CAMTA1: variants seen among roughly 807,000 people sequenced by gnomAD.
CAMTA1 encodes the protein calmodulin-binding transcription activator 1.
In CAMTA1, 27 loss-of-function variants were observed where a neutral mutation model predicts 170.9. That is an observed-to-expected ratio of 0.16 (90% CI 0.12 to 0.22). The LOEUF is 0.22. Among genes scored for constraint, CAMTA1 ranks in the 10% least tolerant of loss-of-function variants. CAMTA1 has a pLI of 1.00. For synonymous variants in CAMTA1, 833 were observed against 891.5 expected (o/e 0.93, Z 1.17); for missense variants, 1,619 against 2,217.2 (o/e 0.73, Z 5.42).
At chr1:7,647,004 C>A (rs1227793901) in intron 7 of CAMTA1, among the ~76,000 whole-genome samples, 1 of 152,176 alleles carries the variant, frequency 6.6e-6, no homozygotes, top group Non-Finnish European at 1.5e-5. Context: ...CAGTACCGGG[C>A]CTCGGATGGG....
At chr1:7,161,746 G>A (rs1647248135) in intron 4 of CAMTA1, among the ~76,000 whole-genome samples, 1 of 152,128 alleles carries the variant, frequency 6.6e-6, no homozygotes, top group African/African-American at 2.4e-5. Flanking sequence ...TTTATCAATA[G>A]CACAAAAACG....
At chr1:7,485,099 C>T (rs983221586) in intron 6 of CAMTA1, among the ~76,000 whole-genome samples, 2 of 152,180 alleles carry the variant, frequency 1.3e-5, no homozygotes, top group African/African-American at 2.4e-5. Context: ...CTCCAAAAGG[C>T]TTGGATTCAG....
rs796515354 is a variant in CAMTA1 at position 7,548,196 on chromosome 1, A to T, written c.510+80295A>T. On this transcript the variant is annotated intron_variant, in intron 6 of 22. Coordinates refer to ENST00000303635, the MANE Select transcript of CAMTA1 (RefSeq NM_015215.4). Reference sequence around the variant, plus strand: ...GTCATGCCCTGTATGGGTACTGAGGAAGCACAGTTCTGGGTCTGCTCTGTG... The same window carrying T: ...GTCATGCCCTGTATGGGTACTGAGGTAGCACAGTTCTGGGTCTGCTCTGTG... Among the ~76,000 whole-genome samples, 18 of 152,312 alleles carry T rather than the reference A, an allele frequency of 1.2e-4. 1 individual carries two copies. Among genetic ancestry groups the T allele is most frequent in the African/African-American group, 4.3e-4 (18 of 41,556 alleles).
chr1:7,377,165 G>A (rs547126736), intron 5 of CAMTA1, among the ~76,000 whole-genome samples: 2 of 152,318 alleles, frequency 1.3e-5, no homozygotes, highest in South Asian at 4.1e-4. Context: ...TACCCCAGGA[G>A]AGACCTGACC....
chr1:6,825,334 C>G (rs755119407), intron 3 of CAMTA1, 124 bp downstream of exon 3: 1 of 567,666 alleles, frequency 1.8e-6, no homozygotes, highest in Non-Finnish European at 3.2e-6. Context: ...TTGTAAATGA[C>G]ATTATTTAAT....
At chr1:7,507,713 G>A (rs2094141604) in intron 6 of CAMTA1, among the ~76,000 whole-genome samples, 1 of 152,252 alleles carries the variant, frequency 6.6e-6, no homozygotes, top group African/African-American at 2.4e-5. Flanking sequence ...GGCCTCTCCA[G>A]TCTGCTGGCA....
intron 5 of CAMTA1, among the ~76,000 whole-genome samples, chr1:7,386,019 T>A (rs2149096173): frequency 1.3e-5 from 2 of 152,170 alleles, no homozygotes; most frequent in Middle Eastern, 3.4e-3. Flanking sequence ...CCACCCTGGC[T>A]CCTCCAGGCT....
At chr1:7,276,305 T>TATATATATATATATATATA (rs1558345669) in intron 5 of CAMTA1, among the ~76,000 whole-genome samples, 2 of 20,140 alleles carry the variant, frequency 9.9e-5, no homozygotes, top group Non-Finnish European at 1.5e-4. Flanking sequence ...ATATATATAT[T>TATATATATATATATATATA]TTTTTTTTTT....
chr1:6,796,137 T>C (rs1284729876), intron 1 of CAMTA1, among the ~76,000 whole-genome samples: 1 of 136,936 alleles, frequency 7.3e-6, no homozygotes, highest in African/African-American at 2.8e-5. Context: ...CATTTCTTTT[T>C]TTTTTTTTTT....
In CAMTA1 at chr1:7,755,308, C is replaced by T. The variant is rs529746909; in HGVS notation, c.4959-330C>T. ...CACCATTGCTCTCCAGCCTGGGCGA[C>T]AGGGAGAGACTCCGTCTCAAAAAAA... is the stretch of plus-strand genomic sequence containing the variant. On this transcript the variant is annotated intron_variant, in intron 21 of 22. Coordinates refer to ENST00000303635, the MANE Select transcript of CAMTA1 (RefSeq NM_015215.4). Among the ~76,000 whole-genome samples, 6 of 112,508 alleles carry T rather than the reference C, an allele frequency of 5.3e-5. No homozygotes were observed. In the East Asian group the frequency reaches 1.0e-3, roughly 19 times the overall value. The allele number at this position is 112,508 out of a possible 152,430, so 73.8% of individuals were successfully genotyped here.
chr1:7,082,055 G>T (rs1197080092), intron 3 of CAMTA1, among the ~76,000 whole-genome samples: 1 of 152,176 alleles, frequency 6.6e-6, no homozygotes, highest in Non-Finnish European at 1.5e-5. Context: ...CCTTAGTGCA[G>T]GATCCTATTG....
intron 5 of CAMTA1, among the ~76,000 whole-genome samples, chr1:7,400,873 G>C (rs1002628800): frequency 1.2e-4 from 19 of 152,178 alleles, no homozygotes; most frequent in Non-Finnish European, 7.3e-5. Context: ...TGCTGAGGGA[G>C]TATTTCAAGA....
chr1:6,995,290 C>CTT (rs1212463100), intron 3 of CAMTA1, among the ~76,000 whole-genome samples: 10 of 82,258 alleles, frequency 1.2e-4, no homozygotes, highest in African/African-American at 4.3e-4. Flanking sequence ...TCTTTTTTTT[C>CTT]TTTTCTTTTT....
At chr1:7,391,177 A>G (rs573114165) in intron 5 of CAMTA1, among the ~76,000 whole-genome samples, 1 of 152,114 alleles carries the variant, frequency 6.6e-6, no homozygotes, top group South Asian at 2.1e-4. Flanking sequence ...TTGTATTTTT[A>G]GTAGAGATGG....
At chr1:7,048,247 T>C (rs1705726804) in intron 3 of CAMTA1, among the ~76,000 whole-genome samples, 1 of 152,006 alleles carries the variant, frequency 6.6e-6, no homozygotes, top group Non-Finnish European at 1.5e-5. Flanking sequence ...ACAGAACCTA[T>C]TAATAATTGT....
At chr1:7,026,352 G>T (rs913938615) in intron 3 of CAMTA1, among the ~76,000 whole-genome samples, 2 of 152,092 alleles carry the variant, frequency 1.3e-5, no homozygotes, top group African/African-American at 2.4e-5. Context: ...TATGTCCAGG[G>T]GGGGAGTCAT....
chr1:7,110,582 C>T (rs1242615177), intron 4 of CAMTA1, among the ~76,000 whole-genome samples: 1 of 152,216 alleles, frequency 6.6e-6, no homozygotes, highest in Non-Finnish European at 1.5e-5. Context: ...AATATTTAAT[C>T]AGCAACCTGG....
chr1:7,371,614 C>T (rs1172560373), intron 5 of CAMTA1, among the ~76,000 whole-genome samples: 4 of 152,202 alleles, frequency 2.6e-5, no homozygotes, highest in Non-Finnish European at 4.4e-5. Flanking sequence ...TGGCCGTCCT[C>T]ATCAAAGGTG....
intron 4 of CAMTA1, among the ~76,000 whole-genome samples, chr1:7,180,797 C>T (rs1200163639): frequency 6.6e-6 from 1 of 152,106 alleles, no homozygotes; most frequent in Non-Finnish European, 1.5e-5. Context: ...CAGATGTGAG[C>T]CACCACACCT....
Sources: allele counts gnomAD v4.1 joint callset (sites outside exome capture counted in the v4.1 genomes callset), GRCh38; gene constraint gnomAD v4.1.1; transcripts MANE v1.5; gene names NCBI Gene and HGNC (gene_info 2026-07-23, HGNC 2026-07-21).